Variants in SYN2 observed in about 807,000 individuals in gnomAD.
SYN2 encodes synapsin II.
A neutral mutation model predicts 50.9 loss-of-function variants in SYN2; 19 were observed. That is an observed-to-expected ratio of 0.37 (90% CI 0.26 to 0.55). The LOEUF is 0.55. Among genes scored for constraint, SYN2 ranks in the 20% least tolerant of loss-of-function variants. The probability of loss-of-function intolerance (pLI) is 0.81; values close to 1 mark genes in which losing one functional copy is unlikely to be tolerated. For missense variants in SYN2, 587 were observed against 576.4 expected (o/e 1.02, Z -0.19); for synonymous variants, 255 against 224.9 (o/e 1.13, Z -1.20).
intron 1 of SYN2, among the ~76,000 whole-genome samples, chr3:12,006,897 G>A (rs552800512): frequency 3.3e-5 from 5 of 152,318 alleles, no homozygotes; most frequent in Non-Finnish European, 7.4e-5. Context: ...GAAAGGCCAA[G>A]AAAAGGAAGA....
At chr3:12,114,776 C>G (rs569098797) in intron 1 of SYN2, among the ~76,000 whole-genome samples, 1 of 152,236 alleles carries the variant, frequency 6.6e-6, no homozygotes, top group African/African-American at 2.4e-5. Flanking sequence ...CTTTGAGCAT[C>G]CCCTCTTCCC....
chr3:12,121,524 T>C (rs937192956), intron 1 of SYN2, among the ~76,000 whole-genome samples: 1 of 152,062 alleles, frequency 6.6e-6, no homozygotes, highest in African/African-American at 2.4e-5. Flanking sequence ...TGTTTTGCTG[T>C]ACATAAGGCC....
At chr3:12,053,783 A>G (rs1484094430) in intron 1 of SYN2, among the ~76,000 whole-genome samples, 2 of 152,170 alleles carry the variant, frequency 1.3e-5, no homozygotes, top group Non-Finnish European at 2.9e-5. Flanking sequence ...GCCTCAAGTA[A>G]TTAACTTAAA....
intron 1 of SYN2, among the ~76,000 whole-genome samples, chr3:12,043,259 A>G (rs1291347466): frequency 6.6e-6 from 1 of 152,082 alleles, no homozygotes; most frequent in Non-Finnish European, 1.5e-5. Flanking sequence ...CCTGACTTCA[A>G]GCAATCCTCC....
At chr3:12,171,816 G>C (rs974608245) in intron 10 of SYN2, among the ~76,000 whole-genome samples, 2 of 152,150 alleles carry the variant, frequency 1.3e-5, no homozygotes, top group African/African-American at 4.8e-5. Flanking sequence ...GGTATCTAAA[G>C]TATAAAAGTT....
intron 1 of SYN2, among the ~76,000 whole-genome samples, chr3:12,091,595 G>T (rs1286867201): frequency 6.6e-6 from 1 of 152,126 alleles, no homozygotes; most frequent in African/African-American, 2.4e-5. Flanking sequence ...TTGAAGCCAG[G>T]TATTTTGCCT....
In SYN2 at chr3:12,150,415, C is replaced by T. The variant is rs143473447; in HGVS notation, c.685-822C>T. On this transcript the variant is annotated intron_variant, in intron 4 of 12. Coordinates refer to ENST00000621198, the MANE Select transcript of SYN2 (RefSeq NM_133625.6). Reference sequence around the variant, plus strand: ...GAGTTATGGATTGGAAATGAAGGGGCCTTGCTGTGAACCTGGCTCAACTAC... The same window carrying T: ...GAGTTATGGATTGGAAATGAAGGGGTCTTGCTGTGAACCTGGCTCAACTAC... 2.0e-3 allele frequency among the ~76,000 whole-genome samples: 305 copies of T among 152,278 alleles called. 1 individual carries two copies. The highest frequency in any genetic ancestry group is 4.1e-3 in the Admixed American group (63 of 15,300).
intron 1 of SYN2, among the ~76,000 whole-genome samples, chr3:12,009,720 C>G (rs1693877060): frequency 1.3e-5 from 2 of 152,226 alleles, no homozygotes; most frequent in African/African-American, 4.8e-5. Flanking sequence ...TAAGCACGCT[C>G]TCACACTATT....
intron 1 of SYN2, among the ~76,000 whole-genome samples, chr3:12,085,352 TACACACACACACACACAC>T (rs55795895): frequency 4.0e-5 from 6 of 149,382 alleles, no homozygotes; most frequent in African/African-American, 9.8e-5. Context: ...TGTTATGGAA[TACACACACACACACACAC>T]ACACACACAC....
rs1168334541 is a variant in SYN2, at chr3:12,075,359, T to G, written c.378-65292T>G. ...GAATTGAGATTACAGGGAAAAGCTT[T>G]TATATTAAATGCTTAGATAATATAA... is the stretch of plus-strand genomic sequence containing the variant. On this transcript the variant is annotated intron_variant, in intron 1 of 12. Transcript: ENST00000621198. Among the ~76,000 whole-genome samples, 4 of 152,324 alleles carry G rather than the reference T, an allele frequency of 2.6e-5. No homozygotes were observed. In the East Asian group the frequency reaches 5.8e-4, roughly 22 times the overall value.
intron 1 of SYN2, among the ~76,000 whole-genome samples, chr3:12,036,233 T>A (rs916037221): frequency 9.9e-5 from 15 of 152,132 alleles, no homozygotes; most frequent in African/African-American, 3.1e-4. Context: ...TTCCTATGGC[T>A]TAGCTAGGCA....
chr3:12,180,250 T>G (rs1373485793), intron 10 of SYN2, among the ~76,000 whole-genome samples: 3 of 22,472 alleles, frequency 1.3e-4, no homozygotes, highest in Non-Finnish European at 7.0e-4. Context: ...CCAGCTGGGT[T>G]TTTTTTTTTT....
chr3:12,043,911 A>G (rs1694675516), intron 1 of SYN2, among the ~76,000 whole-genome samples: 1 of 152,138 alleles, frequency 6.6e-6, no homozygotes, highest in South Asian at 2.1e-4. Flanking sequence ...ATAGCAGTTT[A>G]TCTACTTCAA....
At chr3:12,013,223 C>T (rs1693953642) in intron 1 of SYN2, among the ~76,000 whole-genome samples, 1 of 152,198 alleles carries the variant, frequency 6.6e-6, no homozygotes, top group African/African-American at 2.4e-5. Context: ...CCTGCCTCAG[C>T]CTCCCAAAGT....
chr3:12,136,199 G>A (rs1696890158), intron 1 of SYN2, among the ~76,000 whole-genome samples: 1 of 152,178 alleles, frequency 6.6e-6, no homozygotes, highest in Non-Finnish European at 1.5e-5. Flanking sequence ...ATAAATGTTT[G>A]CTGCTTTTTG....
chr3:12,169,096 T>A (rs1267474659), intron 9 of SYN2, among the ~76,000 whole-genome samples: 1 of 152,230 alleles, frequency 6.6e-6, no homozygotes, highest in East Asian at 1.9e-4. Flanking sequence ...CTATCTCATT[T>A]CCTGCATGGT....
chr3:12,006,449 A>G (rs191558722), intron 1 of SYN2, among the ~76,000 whole-genome samples: 7 of 152,336 alleles, frequency 4.6e-5, no homozygotes, highest in African/African-American at 1.7e-4. Context: ...GAGGAAGGGA[A>G]GGTAACCAAG....
intron 1 of SYN2, among the ~76,000 whole-genome samples, chr3:12,088,422 G>A (rs538101670): frequency 6.6e-6 from 1 of 152,240 alleles, no homozygotes; most frequent in South Asian, 2.1e-4. Flanking sequence ...TATTGGGGGG[G>A]TTGTGAAGAA....
At chr3:12,020,870 A>C (rs929697594) in intron 1 of SYN2, among the ~76,000 whole-genome samples, 1 of 152,224 alleles carries the variant, frequency 6.6e-6, no homozygotes, top group African/African-American at 2.4e-5. Context: ...TTAAACAAGC[A>C]ATGTAATAAA....
Sources: gnomAD v4.1 joint callset for allele counts (sites outside exome capture counted in the v4.1 genomes callset) on GRCh38, gnomAD v4.1.1 for gene constraint, MANE v1.5 for transcripts, NCBI Gene and HGNC (gene_info 2026-07-23, HGNC 2026-07-21) for gene names.